The following SGCD variants were observed in gnomAD, a reference collection of about 807,000 sequenced individuals.
The protein encoded by SGCD is delta-sarcoglycan.
Under a neutral mutation model 36.6 loss-of-function variants are expected in SGCD, and 18 were observed. That is an observed-to-expected ratio of 0.49 (90% confidence interval 0.34 to 0.73). The LOEUF is 0.73. Ranked by LOEUF, SGCD falls within the 30% of genes least tolerant of loss-of-function variation. The probability of loss-of-function intolerance (pLI) is 0.01; values close to 1 mark genes in which losing one functional copy is unlikely to be tolerated. For synonymous variants in SGCD, 133 were observed against 130.6 expected, an observed-to-expected ratio of 1.02 and a Z score of -0.12; for missense variants, 387 against 346.7, an observed-to-expected ratio of 1.12 and a Z score of -0.92.
chr5:156,554,478 T>C (rs1175805001), intron 4 of SGCD, among the ~76,000 whole-genome samples: 5 of 151,706 alleles, frequency 3.3e-5, no homozygotes, highest in Non-Finnish European at 2.9e-5. Context: ...AATTTATAAA[T>C]TTAGCTTTAT....
chr5:155,999,169 G>T (rs1164109080), intron 1 of SGCD, among the ~76,000 whole-genome samples: 1 of 152,200 alleles, frequency 6.6e-6, no homozygotes, highest in Non-Finnish European at 1.5e-5. Context: ...TGCCCAGTTT[G>T]TTCCCTTGGA....
intron 2 of SGCD, among the ~76,000 whole-genome samples, chr5:156,341,015 A>G (rs1164984226): frequency 6.6e-6 from 1 of 152,142 alleles, no homozygotes; most frequent in Non-Finnish European, 1.5e-5. Flanking sequence ...TTTCTTTCTT[A>G]TGTATTTTAA....
At chr5:155,861,534 A>G in the SGCD span, among the ~76,000 whole-genome samples, 1 of 152,076 alleles carries the variant, frequency 6.6e-6, no homozygotes, top group Non-Finnish European at 1.5e-5. Context: ...CTTGGCTAAC[A>G]TGGTGAAACC....
chr5:155,831,579 G>C, the SGCD span, among the ~76,000 whole-genome samples: 1 of 152,142 alleles, frequency 6.6e-6, no homozygotes, highest in Non-Finnish European at 1.5e-5. Flanking sequence ...TTTAATTTCG[G>C]CTTACAATTA....
intron 2 of SGCD, among the ~76,000 whole-genome samples, chr5:156,121,714 A>G (rs2127602711): frequency 6.6e-6 from 1 of 152,316 alleles, no homozygotes; most frequent in South Asian, 2.1e-4. Flanking sequence ...AAGTCCTTTG[A>G]TGACTGCCCA....
intron 6 of SGCD, among the ~76,000 whole-genome samples, chr5:156,635,626 G>T (rs894738207): frequency 3.3e-5 from 5 of 152,174 alleles, no homozygotes; most frequent in Non-Finnish European, 7.4e-5. Context: ...CAAAGACTTG[G>T]AACCAAGCCA....
chr5:156,125,255 C>T (rs898202588), intron 3 of SGCD, among the ~76,000 whole-genome samples: 4 of 152,164 alleles, frequency 2.6e-5, no homozygotes, highest in East Asian at 3.9e-4. Flanking sequence ...GGCATTGGCT[C>T]TCTTCTTCTG....
At chr5:155,874,714 A>T (rs1233047334) in intron 1 of SGCD, among the ~76,000 whole-genome samples, 1 of 152,102 alleles carries the variant, frequency 6.6e-6, no homozygotes, top group Non-Finnish European at 1.5e-5. Flanking sequence ...AGGAGATACC[A>T]ACACATACCC....
chr5:156,593,632 T>C (rs929690348), intron 5 of SGCD, among the ~76,000 whole-genome samples: 1 of 152,146 alleles, frequency 6.6e-6, no homozygotes, highest in Non-Finnish European at 1.5e-5. Context: ...TTCCCCAAAA[T>C]AAGCTAATAT....
At chr5:155,858,482 G>A in the SGCD span, among the ~76,000 whole-genome samples, 3 of 152,076 alleles carry the variant, frequency 2.0e-5, no homozygotes, top group East Asian at 5.8e-4. Flanking sequence ...ATCATCTTTT[G>A]TAGTTGTCAT....
At chr5:156,159,168 A>T (rs1335041224) in intron 3 of SGCD, among the ~76,000 whole-genome samples, 1 of 151,674 alleles carries the variant, frequency 6.6e-6, no homozygotes, top group Non-Finnish European at 1.5e-5. Flanking sequence ...TTGGAAGGTC[A>T]AATGAAATAA....
intron 7 of SGCD, among the ~76,000 whole-genome samples, chr5:156,709,657 C>A (rs941719019): frequency 1.3e-5 from 2 of 152,148 alleles, no homozygotes; most frequent in African/African-American, 4.8e-5. Flanking sequence ...CTTGTATAAA[C>A]AATGAATTAT....
chr5:155,911,309 G>GTA (rs1412865117), intron 1 of SGCD, among the ~76,000 whole-genome samples: 1 of 105,898 alleles, frequency 9.4e-6, no homozygotes, highest in Non-Finnish European at 2.1e-5. Flanking sequence ...GTGTGTGTGT[G>GTA]TGTGTGTGTG....
chr5:156,360,982 G>T (rs1769759861), intron 3 of SGCD, among the ~76,000 whole-genome samples: 1 of 152,060 alleles, frequency 6.6e-6, no homozygotes, highest in African/African-American at 2.4e-5. Flanking sequence ...TTGAGGCAAG[G>T]GGTCAATTGA....
intron 3 of SGCD, among the ~76,000 whole-genome samples, chr5:156,203,133 A>G (rs961440791): frequency 5.3e-5 from 8 of 151,980 alleles, no homozygotes; most frequent in Admixed American, 1.3e-4. Flanking sequence ...GGGAAACTAT[A>G]CTCTATAATT....
intron 3 of SGCD, among the ~76,000 whole-genome samples, chr5:156,413,128 C>T (rs768271858): frequency 3.9e-5 from 6 of 152,102 alleles, no homozygotes; most frequent in African/African-American, 2.4e-5. Context: ...ATCGAGGACA[C>T]AGCCTTATAG....
At chr5:156,187,915 T>C (rs1763802012) in intron 3 of SGCD, among the ~76,000 whole-genome samples, 1 of 152,184 alleles carries the variant, frequency 6.6e-6, no homozygotes, top group African/African-American at 2.4e-5. Flanking sequence ...TCCTAGTGAT[T>C]GTGATCCAGG....
intron 3 of SGCD, among the ~76,000 whole-genome samples, chr5:156,497,345 T>C (rs1020609545): frequency 7.9e-5 from 12 of 152,124 alleles, no homozygotes; most frequent in African/African-American, 2.9e-4. Context: ...ACTTATTCCC[T>C]CTCTGTGTTG....
intron 1 of SGCD, among the ~76,000 whole-genome samples, chr5:156,073,446 C>T (rs1352169379): frequency 1.3e-5 from 2 of 152,138 alleles, no homozygotes; most frequent in African/African-American, 4.8e-5. Context: ...GCCTGTAGGT[C>T]TAGCTACCTG....
Sources: allele counts gnomAD v4.1 joint callset (sites outside exome capture counted in the v4.1 genomes callset), GRCh38; gene constraint gnomAD v4.1.1; transcripts MANE v1.5; gene names NCBI Gene and HGNC (gene_info 2026-07-23, HGNC 2026-07-21).